Variants in CCDC91 observed in about 807,000 individuals in gnomAD.
The protein encoded by CCDC91 is coiled-coil domain containing 91.
Under a neutral mutation model 63.2 loss-of-function variants are expected in CCDC91, and 48 were observed. The ratio of observed to expected loss-of-function variants is 0.76; its 90% CI spans 0.60 to 0.97. The LOEUF (loss-of-function observed/expected upper bound fraction) is 0.97. Ranked by LOEUF, CCDC91 falls within the 50% of genes least tolerant of loss-of-function variation. CCDC91 has a pLI of 0.00. For synonymous variants in CCDC91, 167 were observed against 165.8 expected, an observed-to-expected ratio of 1.01 and a Z score of -0.06; for missense variants, 500 against 494.6, an observed-to-expected ratio of 1.01 and a Z score of -0.10.
At chr12:28,500,353 T>A (rs1225711237) in intron 12 of CCDC91, among the ~76,000 whole-genome samples, 1 of 152,118 alleles carries the variant, frequency 6.6e-6, no homozygotes, top group African/African-American at 2.4e-5. Flanking sequence ...TTTAATTAGA[T>A]CCCATTTGTC....
intron 12 of CCDC91, among the ~76,000 whole-genome samples, chr12:28,501,305 C>A (rs1937818551): frequency 6.6e-6 from 1 of 151,828 alleles, no homozygotes; most frequent in Non-Finnish European, 1.5e-5. Flanking sequence ...GGGAATGCTT[C>A]CAGTTTTTGC....
intron 11 of CCDC91, among the ~76,000 whole-genome samples, chr12:28,464,181 G>A (rs1216569646): frequency 6.6e-6 from 1 of 152,186 alleles, no homozygotes; most frequent in East Asian, 1.9e-4. Flanking sequence ...GATCCTAGCA[G>A]TCAGTAGGAA....
chr12:28,207,776 T>C (rs1942960177), intron 1 of CCDC91, among the ~76,000 whole-genome samples: 1 of 152,246 alleles, frequency 6.6e-6, no homozygotes, highest in South Asian at 2.1e-4. Context: ...ATGCAGAACT[T>C]TTAATAATAA....
intron 7 of CCDC91, among the ~76,000 whole-genome samples, chr12:28,389,793 A>T (rs1336166488): frequency 6.6e-6 from 1 of 152,108 alleles, no homozygotes; most frequent in Admixed American, 6.6e-5. Flanking sequence ...CTCTTTACAA[A>T]AGATGCTGTG....
At chr12:28,403,002 T>C (rs745463800) in intron 8 of CCDC91, among the ~76,000 whole-genome samples, 1 of 152,232 alleles carries the variant, frequency 6.6e-6, no homozygotes, top group East Asian at 1.9e-4. Context: ...TGCCACATCG[T>C]TGTCATGTAT....
Position 28,450,186 on chromosome 12 carries a change from A to T in CCDC91, c.788A>T (p.Asp263Val), listed in dbSNP as rs757196457. The T allele has an allele frequency of 2.5e-6, 4 of 1,608,386 alleles. No homozygotes were observed. The Admixed American group carries it at 6.7e-5, about 27-fold the overall frequency. The part of the protein sequence containing the change: ...AQHQRLLEML[D>V]TEKELLKEKI... ...CATCAGAGGCTCCTTGAAATGCTAGATACAGAGAAGGAACTGTTAAAAGAA... is the reference window on the plus strand; with the variant it reads ...CATCAGAGGCTCCTTGAAATGCTAGTTACAGAGAAGGAACTGTTAAAAGAA... The change falls in exon 9 of 13, where the codon GAT (aspartate) becomes GTT (valine). Residue 263 changes from aspartate (D) to valine (V), a missense_variant. Coordinates refer to ENST00000536442, the MANE Select transcript of CCDC91 (RefSeq NM_018318.5).
intron 6 of CCDC91, among the ~76,000 whole-genome samples, chr12:28,338,242 A>G (rs1279709153): frequency 7.7e-6 from 1 of 129,156 alleles, no homozygotes; most frequent in Non-Finnish European, 1.7e-5. Context: ...AAGTACAGGT[A>G]TTGGCCCTTA....
At chr12:28,515,517 T>C (rs1023377070) in intron 12 of CCDC91, among the ~76,000 whole-genome samples, 2 of 151,898 alleles carry the variant, frequency 1.3e-5, no homozygotes, top group African/African-American at 4.8e-5. Flanking sequence ...ATGTAGACTA[T>C]TTGTAAAATA....
chr12:28,497,046 A>G (rs951838820), intron 12 of CCDC91, among the ~76,000 whole-genome samples: 70 of 150,094 alleles, frequency 4.7e-4, no homozygotes, highest in African/African-American at 1.7e-3. Context: ...GGGATATTTC[A>G]TATATGTTAG....
intron 3 of CCDC91, among the ~76,000 whole-genome samples, chr12:28,290,249 A>G (rs1380700910): frequency 6.6e-6 from 1 of 152,170 alleles, no homozygotes; most frequent in Non-Finnish European, 1.5e-5. Context: ...CTTTGCTATT[A>G]TATAATGCTC....
rs188167127 is a variant in CCDC91, at chr12:28,339,066, C to T, written c.577-23372C>T. Among the ~76,000 whole-genome samples, 7 of 152,058 alleles carry T rather than the reference C, an allele frequency of 4.6e-5. No individual in the cohort carries two copies. The East Asian group carries it at 1.4e-3, about 29-fold the overall frequency. On this transcript the variant is annotated intron_variant, in intron 6 of 12. Transcript: ENST00000536442. Reference sequence around the variant, plus strand: ...ATGTTGGCCAGGCTGGTCTGGAACCCCCGACCTCAGGTGATCCACCTGCCT... The same window carrying T: ...ATGTTGGCCAGGCTGGTCTGGAACCTCCGACCTCAGGTGATCCACCTGCCT...
intron 12 of CCDC91, among the ~76,000 whole-genome samples, chr12:28,493,756 T>C (rs1016457007): frequency 6.6e-6 from 1 of 151,826 alleles, no homozygotes; most frequent in East Asian, 1.9e-4. Flanking sequence ...AAGGTATCTC[T>C]TATAAAAACA....
intron 1 of CCDC91, among the ~76,000 whole-genome samples, chr12:28,191,733 A>G (rs1334196914): frequency 6.6e-6 from 1 of 152,120 alleles, no homozygotes; most frequent in East Asian, 1.9e-4. Context: ...TGATCACCTG[A>G]TTGCCCTCTG....
intron 3 of CCDC91, among the ~76,000 whole-genome samples, chr12:28,293,177 G>T (rs754984614): frequency 6.6e-6 from 1 of 152,048 alleles, no homozygotes; most frequent in Non-Finnish European, 1.5e-5. Context: ...TAGAACAGAA[G>T]AAGCTCATTC....
chr12:28,195,322 C>T (rs796262511), intron 1 of CCDC91, among the ~76,000 whole-genome samples: 17 of 152,278 alleles, frequency 1.1e-4, no homozygotes, highest in African/African-American at 3.6e-4. Context: ...CTGATTGGTG[C>T]GTTTACAAAC....
chr12:28,443,101 C>T (rs1388064669), intron 8 of CCDC91, among the ~76,000 whole-genome samples: 2 of 148,348 alleles, frequency 1.3e-5, no homozygotes, highest in African/African-American at 5.0e-5. Context: ...AGGATGTTCT[C>T]TAATTTTTTT....
intron 8 of CCDC91, among the ~76,000 whole-genome samples, chr12:28,442,946 T>C (rs73085952): frequency 0.013 from 1,966 of 152,186 alleles, 13 homozygotes; most frequent in Middle Eastern, 0.017. Context: ...GAAAGGCCTG[T>C]ATAAAATAGT....
chr12:28,307,020 A>G, intron 5 of CCDC91, 75 bp downstream of exon 5: 1 of 962,200 alleles, frequency 1.0e-6, no homozygotes, highest in East Asian at 2.6e-5. Flanking sequence ...ACTCTGATTA[A>G]AAACTCATCA....
At chr12:28,534,633 T>G (rs1054827527) in intron 12 of CCDC91, among the ~76,000 whole-genome samples, 57 of 152,230 alleles carry the variant, frequency 3.7e-4, no homozygotes, top group African/African-American at 1.3e-3. Flanking sequence ...TTGCTGATCT[T>G]AACTAAGCAA....
Sources: allele counts gnomAD v4.1 joint callset (sites outside exome capture counted in the v4.1 genomes callset), GRCh38; gene constraint gnomAD v4.1.1; transcripts MANE v1.5; gene names NCBI Gene and HGNC (gene_info 2026-07-23, HGNC 2026-07-21).